The following PTER variants were observed in gnomAD, a reference collection of about 807,000 sequenced individuals.
PTER encodes the protein N-acetyltaurine hydrolase.
Under a neutral mutation model 29.6 loss-of-function variants are expected in PTER, and 38 were observed. The ratio of observed to expected loss-of-function variants is 1.28; its 90% CI spans 0.99 to 1.68. The LOEUF is 1.68. PTER is among the 40% of genes most tolerant of loss of function. The pLI, the probability that PTER is intolerant of heterozygous loss-of-function variation, is 0.00. For missense variants in PTER, 482 were observed against 427.8 expected (o/e 1.13, Z -1.12); for synonymous variants, 172 against 154.5 (o/e 1.11, Z -0.84).
At chr10:16,438,098 C>T (rs1166306712) in intron 1 of PTER, among the ~76,000 whole-genome samples, 2 of 152,092 alleles carry the variant, frequency 1.3e-5, no homozygotes, top group Non-Finnish European at 2.9e-5. Flanking sequence ...CTCCGCCTCC[C>T]GGGATCAAGC....
At chr10:16,461,772 G>A (rs1052936590) in intron 1 of PTER, among the ~76,000 whole-genome samples, 2 of 151,886 alleles carry the variant, frequency 1.3e-5, no homozygotes, top group Non-Finnish European at 2.9e-5. Flanking sequence ...TTTCATTTTT[G>A]TAATCATCAA....
In PTER at chr10:16,511,467, TA is replaced by T; in HGVS notation, c.*213del. The T allele has an allele frequency of 1.8e-6, 1 of 557,148 alleles. No individual in the cohort carries two copies. Among genetic ancestry groups the T allele is most frequent in the Non-Finnish European group, 3.2e-6 (1 of 312,758 alleles). The allele number at this position is 557,148 out of a possible 1,614,324, so 34.5% of individuals were successfully genotyped here. A position where few individuals can be genotyped will look rare whatever the true frequency, so the allele number is the denominator to read the frequency against. On this transcript the variant is annotated 3_prime_UTR_variant, in exon 5 of 5. Transcript: ENST00000535784. ...TCAGCCTAATTGAGCCCTATTATTTTAACTTAACAAAATAAATACAGAAGTA... is the reference window on the plus strand; with the variant it reads ...TCAGCCTAATTGAGCCCTATTATTTTACTTAACAAAATAAATACAGAAGTA...
At chr10:16,504,958 A>T (rs1326289929) in intron 3 of PTER, 62 bp from the exon 4 acceptor site, 2 of 1,579,928 alleles carry the variant, frequency 1.3e-6, no homozygotes, top group African/African-American at 2.7e-5. Context: ...TAAAACTTCT[A>T]GTATGTACAT....
At chr10:16,483,003 A>G (rs2133445922) in intron 1 of PTER, among the ~76,000 whole-genome samples, 1 of 152,236 alleles carries the variant, frequency 6.6e-6, no homozygotes, top group African/African-American at 2.4e-5. Context: ...GCTGGTCTCA[A>G]ACTCCTGGCC....
In PTER at chr10:16,484,792, G is replaced by A; in HGVS notation, c.408G>A (p.Glu136=). 1 of 1,608,014 alleles carries A rather than the reference G, an allele frequency of 6.2e-7. No individual in the cohort carries two copies. Among genetic ancestry groups the A allele is most frequent in the Non-Finnish European group, 8.5e-7 (1 of 1,178,172 alleles). Residue 136 remains glutamate, a synonymous_variant, in exon 2 of 5, where the codon GAG becomes GAA. Coordinates refer to ENST00000535784, the MANE Select transcript of PTER (RefSeq NM_001261836.2). ...ATGTGGATGCAACTCACTCCTCAGA[G>A]ACCAGGGCCATGTCAGTGGAGCAGG... is the stretch of plus-strand genomic sequence containing the variant. ...GFYVDATHSS[E]TRAMSVEQLT...
At chr10:16,462,864 C>G (rs550838109) in intron 1 of PTER, among the ~76,000 whole-genome samples, 2 of 151,810 alleles carry the variant, frequency 1.3e-5, no homozygotes, top group Non-Finnish European at 2.9e-5. Context: ...AGCCACCATG[C>G]CCGGCCACAT....
intron 3 of PTER, among the ~76,000 whole-genome samples, chr10:16,501,363 A>ATG (rs1564408632): frequency 1.0e-4 from 8 of 79,432 alleles, no homozygotes; most frequent in African/African-American, 4.0e-4. Context: ...ACACACACAC[A>ATG]CACACATGCA....
chr10:16,510,224 C>T (rs1369517868), intron 4 of PTER, among the ~76,000 whole-genome samples: 2 of 152,194 alleles, frequency 1.3e-5, no homozygotes, highest in Non-Finnish European at 2.9e-5. Context: ...TGGTGGCTGT[C>T]AGGAGGTGAC....
At chr10:16,460,057 AT>A (rs1834556044) in intron 1 of PTER, among the ~76,000 whole-genome samples, 1 of 152,112 alleles carries the variant, frequency 6.6e-6, no homozygotes, top group African/African-American at 2.4e-5. Context: ...CCAGGGTTAT[AT>A]TTATTACCCC....
intron 1 of PTER, among the ~76,000 whole-genome samples, chr10:16,466,761 G>C (rs1001328153): frequency 4.6e-5 from 7 of 152,182 alleles, no homozygotes; most frequent in Admixed American, 4.6e-4. Flanking sequence ...ACTTGTGTGG[G>C]AAATACCTTT....
intron 3 of PTER, chr10:16,486,863 T>G (rs1013456171): frequency 4.6e-6 from 2 of 433,552 alleles, no homozygotes; most frequent in African/African-American, 2.0e-5. Context: ...GCATAAGTCA[T>G]TTCCTTTAAT....
intron 2 of PTER, among the ~76,000 whole-genome samples, chr10:16,485,338 T>C (rs1054456045): frequency 6.6e-6 from 1 of 152,196 alleles, no homozygotes; most frequent in Non-Finnish European, 1.5e-5. Flanking sequence ...TTCCCCTGTG[T>C]TTTGTCATAA....
chr10:16,499,256 C>A (rs1208071426), intron 3 of PTER, among the ~76,000 whole-genome samples: 2 of 151,920 alleles, frequency 1.3e-5, no homozygotes, highest in African/African-American at 4.8e-5. Flanking sequence ...TGTTTCCCGT[C>A]CCACCCCTTA....
chr10:16,518,610 C>T (rs1184693935), downstream of PTER, among the ~76,000 whole-genome samples: 1 of 152,190 alleles, frequency 6.6e-6, no homozygotes, highest in African/African-American at 2.4e-5. Context: ...GTCTAGACAT[C>T]AACATTTAAA....
chr10:16,504,965 A>T (rs961021450), intron 3 of PTER, 55 bp from the exon 4 acceptor site: 5 of 1,597,110 alleles, frequency 3.1e-6, no homozygotes, highest in African/African-American at 1.3e-5. Context: ...TCTAGTATGT[A>T]CATGTGGAAA....
downstream of PTER, chr10:16,514,162 G>A: frequency 2.5e-6 from 1 of 398,848 alleles, no homozygotes. Context: ...AACCAAAGCT[G>A]ACATATGGAT....
intron 1 of PTER, among the ~76,000 whole-genome samples, chr10:16,462,077 C>A (rs1482788525): frequency 6.6e-6 from 1 of 151,810 alleles, no homozygotes; most frequent in Non-Finnish European, 1.5e-5. Context: ...CCTCTGCCTC[C>A]CGGGTTCAAG....
At chr10:16,444,091 T>A (rs1157713466) in intron 1 of PTER, among the ~76,000 whole-genome samples, 1 of 150,884 alleles carries the variant, frequency 6.6e-6, no homozygotes, top group African/African-American at 2.4e-5. Flanking sequence ...AACCTCTGCC[T>A]CCCGAATTCA....
chr10:16,476,220 A>G (rs1835256773), intron 1 of PTER: 2 of 152,128 alleles, frequency 1.3e-5, no homozygotes, highest in Non-Finnish European at 2.9e-5. Context: ...ACTAGCTGGG[A>G]CTACAGACGC....
Sources: gnomAD v4.1 joint callset for allele counts (sites outside exome capture counted in the v4.1 genomes callset) on GRCh38, gnomAD v4.1.1 for gene constraint, MANE v1.5 for transcripts, NCBI Gene and HGNC (gene_info 2026-07-23, HGNC 2026-07-21) for gene names.